The following CDH26 variants were observed in gnomAD, a reference collection of about 807,000 sequenced individuals.
CDH26 encodes cadherin 26.
A neutral mutation model predicts 90.3 loss-of-function variants in CDH26; 83 were observed. The observed-to-expected ratio is 0.92, with a 90% CI of 0.77 to 1.10. The LOEUF (loss-of-function observed/expected upper bound fraction) is 1.10, where lower values mean the gene tolerates loss of function less well. Among genes scored for constraint, CDH26 ranks in the 50% least tolerant of loss-of-function variants. The pLI, the probability that CDH26 is intolerant of heterozygous loss-of-function variation, is 0.00. For missense variants in CDH26, 1,013 were observed against 1,037.6 expected (o/e 0.98, Z 0.33); for synonymous variants, 397 against 396.3 (o/e 1.00, Z -0.02).
chr20:59,976,392 G>A (rs1255763203), intron 4 of CDH26, among the ~76,000 whole-genome samples: 1 of 152,170 alleles, frequency 6.6e-6, no homozygotes, highest in East Asian at 1.9e-4. Flanking sequence ...AGAATAAACA[G>A]CACTCATGTT....
intron 4 of CDH26, among the ~76,000 whole-genome samples, chr20:59,979,015 C>A (rs1048728403): frequency 6.6e-6 from 1 of 152,104 alleles, no homozygotes; most frequent in African/African-American, 2.4e-5. Flanking sequence ...AACCCTCCTT[C>A]AACCCTTAAC....
intron 7 of CDH26, among the ~76,000 whole-genome samples, chr20:60,026,757 T>A (rs1027247110): frequency 1.3e-5 from 2 of 152,258 alleles, no homozygotes; most frequent in Non-Finnish European, 2.9e-5. Context: ...CAAGCTGAAC[T>A]GCACTGTGCC....
rs2061028854 is a variant in CDH26, at chr20:59,958,723, C to A, written c.-4C>A. On this transcript the variant is annotated 5_prime_UTR_variant, in exon 1 of 18. Coordinates refer to ENST00000348616, the MANE Select transcript of CDH26 (RefSeq NM_177980.4). ...CGTTCTGGGTCTGTCTTGGGTATTC[C>A]CATATGGCCATGAGATCCGGGAGGC... 10 of 1,614,150 alleles carry A rather than the reference C, an allele frequency of 6.2e-6. No homozygotes were observed. The East Asian group carries it at 2.2e-4, about 36-fold the overall frequency.
chr20:59,979,239 G>A (rs369298414), intron 4 of CDH26, among the ~76,000 whole-genome samples: 10 of 130,920 alleles, frequency 7.6e-5, no homozygotes, highest in Admixed American at 1.7e-4. Context: ...TTGTTCTGTC[G>A]CCAGGCTGGA....
In CDH26 at chr20:59,984,686, A is replaced by G; in HGVS notation, c.589A>G (p.Thr197Ala). 6.2e-7 allele frequency: 1 copy of G among 1,613,268 alleles called. No homozygotes were observed. Among genetic ancestry groups the G allele is most frequent in the Non-Finnish European group, 8.5e-7 (1 of 1,179,760 alleles). ...AGCAGTCGATTTGGATGAAGAAAAC[A>G]CTCCAAATTCTCAAGTCCTTTACTT... ...MLAVDLDEENTPNSQVLYFLI... is the reference protein window; with the variant it reads ...MLAVDLDEENAPNSQVLYFLI... Residue 197 changes from threonine to alanine, a missense_variant, in exon 6 of 18, where the codon ACT (threonine) becomes GCT (alanine). Coordinates refer to ENST00000348616, the MANE Select transcript of CDH26 (RefSeq NM_177980.4).
At chr20:59,969,257 C>A (rs1173768377) in intron 2 of CDH26, among the ~76,000 whole-genome samples, 1 of 152,134 alleles carries the variant, frequency 6.6e-6, no homozygotes, top group Non-Finnish European at 1.5e-5. Flanking sequence ...TTCAACTGTA[C>A]ACCATAAGCA....
At chr20:59,996,111 CA>C in intron 12 of CDH26, 57 bp downstream of exon 12, 8 of 1,553,038 alleles carry the variant, frequency 5.2e-6, no homozygotes, top group Non-Finnish European at 7.0e-6. Flanking sequence ...GGCAATAGGC[CA>C]GGGGTAAGGG....
chr20:59,990,786 G>A (rs1241887218), intron 9 of CDH26, among the ~76,000 whole-genome samples: 2 of 152,084 alleles, frequency 1.3e-5, no homozygotes, highest in Non-Finnish European at 2.9e-5. Flanking sequence ...AGAAGTAGCT[G>A]TCAAACTATA....
At chr20:59,988,263 T>C (rs1383382649) in intron 8 of CDH26, among the ~76,000 whole-genome samples, 1 of 152,198 alleles carries the variant, frequency 6.6e-6, no homozygotes, top group African/African-American at 2.4e-5. Context: ...CCAGTGCCTC[T>C]AGTCTTCATT....
At position 60,029,648 on chromosome 20, in the gene CDH26, G is replaced by T. The variant is rs195025; in HGVS notation, c.948-1583G>T. ...CCTCCTTCCCCTTGCCTCCCACCCC[G>T]CAACAGGCCCCAGTGTGTGATGTTC... On this transcript the variant is annotated intron_variant, in intron 7 of 8. Coordinates refer to the CDH26 transcript ENST00000370991. 1.1e-4 allele frequency among the ~76,000 whole-genome samples: 16 copies of T among 151,246 alleles called. No homozygotes were observed. In the South Asian group the frequency reaches 2.7e-3, roughly 26 times the overall value.
intron 4 of CDH26, among the ~76,000 whole-genome samples, chr20:59,974,428 G>A (rs1312828208): frequency 6.6e-6 from 1 of 152,172 alleles, no homozygotes. Flanking sequence ...GGGACTTTGT[G>A]TCTAAAAGCT....
chr20:59,988,482 T>C (rs1385782896), intron 8 of CDH26, among the ~76,000 whole-genome samples: 4 of 152,232 alleles, frequency 2.6e-5, no homozygotes, highest in Non-Finnish European at 5.9e-5. Context: ...ATGCCTGGGG[T>C]TGAATTTTCA....
At chr20:59,987,752 C>A in intron 8 of CDH26, 114 bp downstream of exon 8, 1 of 916,758 alleles carries the variant, frequency 1.1e-6, no homozygotes, top group Non-Finnish European at 1.6e-6. Context: ...GGGTGCTGAG[C>A]CCATTACGTA....
At chr20:60,033,210 G>A (rs1395461636) in intron 8 of CDH26, among the ~76,000 whole-genome samples, 1 of 152,114 alleles carries the variant, frequency 6.6e-6, no homozygotes, top group Non-Finnish European at 1.5e-5. Context: ...GTAAAATGGG[G>A]AAAATAGTAA....
chr20:59,985,668 G>A (rs917272156), intron 7 of CDH26, among the ~76,000 whole-genome samples: 11 of 152,066 alleles, frequency 7.2e-5, no homozygotes, highest in Admixed American at 1.3e-4. Flanking sequence ...TCTATATCGC[G>A]CAGTCACCCA....
At chr20:59,972,168 T>G (rs890203670) in intron 4 of CDH26, 45 bp downstream of exon 4, 2 of 1,567,744 alleles carry the variant, frequency 1.3e-6, no homozygotes, top group African/African-American at 1.4e-5. Context: ...TAAAAGCTCT[T>G]GCAAGACTGT....
chr20:59,984,600 CT>C, intron 5 of CDH26, 38 bp from the exon 6 acceptor site: 2 of 1,569,952 alleles, frequency 1.3e-6, no homozygotes, highest in Non-Finnish European at 8.7e-7. Flanking sequence ...GATAGGCTAC[CT>C]TTATCTGATA....
At chr20:60,016,372 G>T (rs1278417276), downstream of CDH26, among the ~76,000 whole-genome samples, 1 of 151,942 alleles carries the variant, frequency 6.6e-6, no homozygotes, top group Non-Finnish European at 1.5e-5. Context: ...TTAGTTTTTT[G>T]TAGTTATTGT....
chr20:60,004,167 G>T (rs1188348412), intron 16 of CDH26, among the ~76,000 whole-genome samples: 5 of 152,194 alleles, frequency 3.3e-5, no homozygotes, highest in Admixed American at 2.6e-4. Flanking sequence ...TCCACACCTT[G>T]CCTCTTTGGC....
Sources: allele counts gnomAD v4.1 joint callset (sites outside exome capture counted in the v4.1 genomes callset), GRCh38; gene constraint gnomAD v4.1.1; transcripts MANE v1.5; gene names NCBI Gene and HGNC (gene_info 2026-07-23, HGNC 2026-07-21).